The following ATP6V1B2 variants were observed in gnomAD, a reference collection of about 807,000 sequenced individuals.
ATP6V1B2 encodes V-type proton ATPase subunit B, brain isoform.
Under a neutral mutation model 66.7 loss-of-function variants are expected in ATP6V1B2, and 23 were observed. That is an observed-to-expected ratio of 0.34 (90% CI 0.25 to 0.49). The LOEUF (loss-of-function observed/expected upper bound fraction) is 0.49, where lower values mean the gene tolerates loss of function less well. Among genes scored for constraint, ATP6V1B2 ranks in the 20% least tolerant of loss-of-function variants. ATP6V1B2 has a pLI of 0.99. For synonymous variants in ATP6V1B2, 278 were observed against 236.7 expected, an observed-to-expected ratio of 1.17 and a Z score of -1.60; for missense variants, 478 against 650.8, an observed-to-expected ratio of 0.73 and a Z score of 2.89.
intron 1 of ATP6V1B2, among the ~76,000 whole-genome samples, chr8:20,202,973 A>G (rs895263844): frequency 2.6e-5 from 4 of 152,212 alleles, no homozygotes; most frequent in Admixed American, 6.5e-5. Context: ...TGTAAAAAAA[A>G]TGCTGGGAGT....
At chr8:20,205,572 A>G (rs1434052573) in intron 2 of ATP6V1B2, among the ~76,000 whole-genome samples, 6 of 152,188 alleles carry the variant, frequency 3.9e-5, no homozygotes, top group East Asian at 1.9e-4. Flanking sequence ...GTGAGGGAAG[A>G]CTGGTAAATC....
chr8:20,201,479 A>G (rs1213019634), intron 1 of ATP6V1B2, among the ~76,000 whole-genome samples: 1 of 152,132 alleles, frequency 6.6e-6, no homozygotes, highest in Non-Finnish European at 1.5e-5. Flanking sequence ...TAGTTTTAGT[A>G]CCATGGAGAA....
intron 1 of ATP6V1B2, among the ~76,000 whole-genome samples, chr8:20,203,598 A>G (rs968359032): frequency 6.6e-6 from 1 of 152,106 alleles, no homozygotes; most frequent in Non-Finnish European, 1.5e-5. Flanking sequence ...ACTTTAGTTC[A>G]TGTATTTTTT....
intron 7 of ATP6V1B2, 42 bp from the exon 8 acceptor site, chr8:20,212,060 G>T (rs2072800735): frequency 6.5e-7 from 1 of 1,541,480 alleles, no homozygotes; most frequent in East Asian, 2.3e-5. Flanking sequence ...AAATGTTAAG[G>T]ATTTTTCTTC....
chr8:20,197,742 G>T (rs2072643455), intron 1 of ATP6V1B2, among the ~76,000 whole-genome samples, 200 bp downstream of exon 1: 1 of 152,162 alleles, frequency 6.6e-6, no homozygotes, highest in Non-Finnish European at 1.5e-5. Flanking sequence ...GAGGGCAAGA[G>T]CACCAGCGGG....
chr8:20,215,739 G>C (rs1014021005), intron 10 of ATP6V1B2: 1 of 152,158 alleles, frequency 6.6e-6, no homozygotes, highest in Non-Finnish European at 1.5e-5. Flanking sequence ...TGCCTCTGAC[G>C]TGAAAATGAT....
chr8:20,204,664 T>C, intron 2 of ATP6V1B2, 125 bp downstream of exon 2: 2 of 749,728 alleles, frequency 2.7e-6, no homozygotes, highest in Non-Finnish European at 4.1e-6. Flanking sequence ...TCAGTCAGTC[T>C]AAAGCCCAGA....
At chr8:20,204,641 T>C (rs1211118072) in intron 2 of ATP6V1B2, 102 bp downstream of exon 2, 1 of 967,652 alleles carries the variant, frequency 1.0e-6, no homozygotes. Context: ...TAAGCCATAC[T>C]TTAGACTGGG....
At chr8:20,203,924 A>G (rs1473955402) in intron 1 of ATP6V1B2, 6 of 450,504 alleles carry the variant, frequency 1.3e-5, no homozygotes, top group South Asian at 3.2e-5. Context: ...CCTAGTTTTT[A>G]TGACACCATT....
At chr8:20,210,767 T>C (rs1336579386) in intron 5 of ATP6V1B2, 121 bp downstream of exon 5, 2 of 527,718 alleles carry the variant, frequency 3.8e-6, no homozygotes, top group African/African-American at 2.0e-5. Flanking sequence ...ACACGCTCCA[T>C]AGGTTATAAA....
intron 13 of ATP6V1B2, among the ~76,000 whole-genome samples, chr8:20,218,653 A>G (rs772151881): frequency 1.1e-4 from 16 of 152,012 alleles, no homozygotes; most frequent in Non-Finnish European, 2.2e-4. Context: ...ATCTATATTC[A>G]TCTCTTTTTC....
intron 6 of ATP6V1B2, 37 bp downstream of exon 6, chr8:20,211,353 G>A: frequency 6.3e-7 from 1 of 1,591,322 alleles, no homozygotes; most frequent in Non-Finnish European, 8.5e-7. Flanking sequence ...AAGTTTAGCA[G>A]ACAAGAATTT....
At chr8:20,212,442 A>G (rs11986787) in intron 8 of ATP6V1B2, among the ~76,000 whole-genome samples, 4 of 152,162 alleles carry the variant, frequency 2.6e-5, no homozygotes. Flanking sequence ...ATTAAATGAG[A>G]TCATACTTAT....
intron 11 of ATP6V1B2, 103 bp downstream of exon 11, chr8:20,216,598 C>A (rs2072856848): frequency 9.6e-7 from 1 of 1,045,712 alleles, no homozygotes; most frequent in Non-Finnish European, 1.4e-6. Flanking sequence ...TAGAAAGTAT[C>A]AACTTGAATT....
At chr8:20,212,287 A>G in intron 8 of ATP6V1B2, 88 bp downstream of exon 8, 4 of 1,236,104 alleles carry the variant, frequency 3.2e-6, no homozygotes, top group Non-Finnish European at 3.5e-6. Context: ...TGGTAATAAC[A>G]GCATTTGGAC....
intron 11 of ATP6V1B2, 193 bp from the exon 12 acceptor site, chr8:20,217,027 A>G: frequency 3.6e-6 from 2 of 563,290 alleles, no homozygotes; most frequent in Non-Finnish European, 6.3e-6. Context: ...TTCTCGAAAG[A>G]AATGCTATGC....
Position 20,212,145 on chromosome 8 carries a change from A to G in ATP6V1B2, c.749A>G (p.Glu250Gly), listed in dbSNP as rs2072801609. Residue 250 changes from glutamate (E) to glycine (G), a missense_variant, in exon 8 of 14, where the codon GAA (glutamate) becomes GGA (glycine). By Grantham distance (98) the Glu-to-Gly change is moderately conservative. Coordinates refer to ENST00000276390, the MANE Select transcript of ATP6V1B2 (RefSeq NM_001693.4). ...CGGTTCTTCAAATCTGACTTTGAAG[A>G]AAATGGCTCAATGGACAATGTCTGC... ...TARFFKSDFE[E>G]NGSMDNVCLF... 1 of 1,613,592 alleles carries G rather than the reference A, an allele frequency of 6.2e-7. No homozygotes were observed. The highest frequency in any genetic ancestry group is 8.5e-7 in the Non-Finnish European group (1 of 1,179,790).
chr8:20,211,383 C>G (rs2072791807), intron 6 of ATP6V1B2, 67 bp downstream of exon 6: 1 of 1,563,340 alleles, frequency 6.4e-7, no homozygotes, highest in African/African-American at 1.4e-5. Context: ...ATCACTGTTA[C>G]TGAGAAACCG....
Position 20,220,458 on chromosome 8 carries a change from T to C in ATP6V1B2, c.*56T>C, listed in dbSNP as rs532531928. 2.2e-5 allele frequency: 33 copies of C among 1,490,188 alleles called. No individual in the cohort carries two copies. In the Middle Eastern group the frequency reaches 5.4e-4, roughly 24 times the overall value. The allele number at this position is 1,490,188 out of a possible 1,614,324, so 92.3% of individuals were successfully genotyped here. ...TGAAATACTGGTTCTGTTTTCTTTA[T>C]TCCTTTTGCACTCTCGGTTCCCACC... On this transcript the variant is annotated 3_prime_UTR_variant, in exon 14 of 14. Coordinates refer to ENST00000276390, the MANE Select transcript of ATP6V1B2 (RefSeq NM_001693.4).
Sources: gnomAD v4.1 joint callset for allele counts (sites outside exome capture counted in the v4.1 genomes callset) on GRCh38, gnomAD v4.1.1 for gene constraint, MANE v1.5 for transcripts, NCBI Gene and HGNC (gene_info 2026-07-23, HGNC 2026-07-21) for gene names.